Variants in THAP10 observed in about 807,000 individuals in gnomAD.
The protein encoded by THAP10 is THAP domain-containing protein 10.
THAP10 carries 10 observed loss-of-function variants against 15.7 expected under a neutral mutation model. That is an observed-to-expected ratio of 0.64 (90% CI 0.39 to 1.08). THAP10 has a LOEUF of 1.08. Among genes scored for constraint, THAP10 ranks in the 50% least tolerant of loss-of-function variants. The pLI is 0.01. For missense variants in THAP10, 310 were observed against 330.9 expected (o/e 0.94, Z 0.49); for synonymous variants, 127 against 129.1 (o/e 0.98, Z 0.11).
At chr15:70,885,150 G>C (rs2033371788) in intron 1 of THAP10, among the ~76,000 whole-genome samples, 1 of 152,118 alleles carries the variant, frequency 6.6e-6, no homozygotes, top group Non-Finnish European at 1.5e-5. Flanking sequence ...CTTAGAGGCA[G>C]AATTTCCAGG....
At chr15:70,883,802 C>T (rs2033331275) in intron 1 of THAP10, among the ~76,000 whole-genome samples, 1 of 151,776 alleles carries the variant, frequency 6.6e-6, no homozygotes, top group Admixed American at 6.6e-5. Flanking sequence ...TTACAGGTGC[C>T]TGCCACCATG....
At chr15:70,883,801 C>G (rs182600797) in intron 1 of THAP10, among the ~76,000 whole-genome samples, 4 of 151,898 alleles carry the variant, frequency 2.6e-5, no homozygotes, top group African/African-American at 9.7e-5. Context: ...ATTACAGGTG[C>G]CTGCCACCAT....
Position 70,882,531 on chromosome 15 carries a change from C to G in THAP10, c.697G>C (p.Asp233His). ...FDIYSSDSET[D>H]TDWDIKSEQS... is the part of the protein sequence containing the mutation. ...TCACTCTTGATATCCCAGTCTGTAT[C>G]TGTTTCTGAATCACTGGAGTAAATG... is the stretch of plus-strand genomic sequence containing the variant. The change falls in exon 3 of 3, where the codon GAT (aspartate) becomes CAT (histidine). Residue 233 changes from aspartate (D) to histidine (H), a missense_variant. Transcript: ENST00000249861. The G allele has an allele frequency of 6.2e-7, 1 of 1,613,938 alleles. No individual in the cohort carries two copies. The highest frequency in any genetic ancestry group is 8.5e-7 in the Non-Finnish European group (1 of 1,179,868).
intron 1 of THAP10, among the ~76,000 whole-genome samples, chr15:70,887,855 A>C (rs1459958522): frequency 6.6e-6 from 1 of 152,192 alleles, no homozygotes; most frequent in Admixed American, 6.5e-5. Context: ...GAAATTAATA[A>C]GTGAGTTTAA....
intron 1 of THAP10, among the ~76,000 whole-genome samples, chr15:70,888,625 A>ACAT (rs2033471390): frequency 6.6e-6 from 1 of 152,104 alleles, no homozygotes; most frequent in South Asian, 2.1e-4. Flanking sequence ...AATTTGGACT[A>ACAT]CATCAGAATT....
intron 1 of THAP10, among the ~76,000 whole-genome samples, chr15:70,888,657 G>A (rs757400527): frequency 3.9e-5 from 6 of 152,098 alleles, no homozygotes; most frequent in Non-Finnish European, 7.4e-5. Flanking sequence ...TACATCAAAA[G>A]ACATTATTAA....
chr15:70,892,374 T>C lies in THAP10; in HGVS notation c.-102A>G. ...CGAGGCAAGTCCTCCCCTCCTCACC[T>C]GTCCACTCCGGGTCGGGATTGTTTC... On this transcript the variant is annotated 5_prime_UTR_variant, in exon 1 of 3. Transcript: ENST00000249861. 6.5e-7 allele frequency: 1 copy of C among 1,546,798 alleles called. No homozygotes were observed. Among genetic ancestry groups the C allele is most frequent in the Non-Finnish European group, 8.7e-7 (1 of 1,146,676 alleles).
intron 1 of THAP10, among the ~76,000 whole-genome samples, chr15:70,883,214 G>A (rs1156779944): frequency 6.7e-6 from 1 of 148,522 alleles, no homozygotes; most frequent in East Asian, 2.0e-4. Flanking sequence ...TTTTTGAGAT[G>A]GAGTTTTGCT....
At chr15:70,882,948 C>T (rs1004604265) in intron 1 of THAP10, 40 bp from the exon 2 acceptor site, 27 of 1,604,092 alleles carry the variant, frequency 1.7e-5, no homozygotes, top group Non-Finnish European at 2.1e-5. Context: ...TTAAAGTGTA[C>T]CTTATAGGAT....
chr15:70,891,775 T>C (rs530232302), intron 1 of THAP10, 69 bp downstream of exon 1: 37 of 1,373,884 alleles, frequency 2.7e-5, no homozygotes, highest in Admixed American at 2.5e-4. Context: ...TTTCCCAAGG[T>C]GACACTAAGT....
Position 70,882,621 on chromosome 15 carries a change from T to C in THAP10, c.607A>G (p.Lys203Glu). 1 of 1,614,002 alleles carries C rather than the reference T, an allele frequency of 6.2e-7. No individual in the cohort carries two copies. Among genetic ancestry groups the C allele is most frequent in the African/African-American group, 1.3e-5 (1 of 75,058 alleles). ...TGAGTAGTTGCATTACACAGTCTTTTTCCAAACGCTTTCACTTTGGCTTGA... is the reference window on the plus strand; with the variant it reads ...TGAGTAGTTGCATTACACAGTCTTTCTCCAAACGCTTTCACTTTGGCTTGA... Reference protein sequence around the residue: ...GIQAKVKAFGKRLCNATTQTE... With the variant: ...GIQAKVKAFGERLCNATTQTE... The change falls in exon 3 of 3, where the codon AAA becomes GAA. Residue 203 changes from lysine to glutamate, a missense_variant. Physicochemically the swap from Lys to Glu is moderately conservative, Grantham distance 56. Coordinates refer to ENST00000249861, the MANE Select transcript of THAP10 (RefSeq NM_020147.4).
chr15:70,889,197 A>G (rs147086407), intron 1 of THAP10, among the ~76,000 whole-genome samples: 1 of 152,344 alleles, frequency 6.6e-6, no homozygotes, highest in East Asian at 1.9e-4. Flanking sequence ...GTTCAACAAT[A>G]GACAGACAAA....
At chr15:70,888,423 A>G (rs1016580667) in intron 1 of THAP10, among the ~76,000 whole-genome samples, 3 of 152,230 alleles carry the variant, frequency 2.0e-5, no homozygotes, top group East Asian at 1.9e-4. Flanking sequence ...AAGAAATGCT[A>G]GTAGTTTCAA....
rs1220837898 is a variant in THAP10, at chr15:70,882,743, T to A, written c.577+18A>T. On this transcript the variant is annotated intron_variant, in intron 2 of 2. Coordinates refer to ENST00000249861, the MANE Select transcript of THAP10 (RefSeq NM_020147.4). ...AGATCAATTCAATTGCTTAATCCAT[T>A]GAAGAGTCAAAACATACCCACACTA... 1.3e-5 allele frequency: 21 copies of A among 1,613,962 alleles called. No individual in the cohort carries two copies. Among genetic ancestry groups the A allele is most frequent in the Non-Finnish European group, 1.8e-5 (21 of 1,179,954 alleles).
rs577801015 is a variant in THAP10 at position 70,888,156 on chromosome 15, A to C, written c.429+3688T>G. Reference sequence around the variant, plus strand: ...TGGAGTCATAATCAAAATCCTCGTGAGTAACTTGTGAAAATTGACAAATCA... The same window carrying C: ...TGGAGTCATAATCAAAATCCTCGTGCGTAACTTGTGAAAATTGACAAATCA... On this transcript the variant is annotated intron_variant, in intron 1 of 2. Coordinates refer to ENST00000249861, the MANE Select transcript of THAP10 (RefSeq NM_020147.4). Among the ~76,000 whole-genome samples the C allele has an allele frequency of 2.8e-5, 4 of 142,790 alleles. No homozygotes were observed. The East Asian group carries it at 5.8e-4, about 21-fold the overall frequency. The allele number at this position is 142,790 out of a possible 152,430, so 93.7% of individuals were successfully genotyped here.
intron 1 of THAP10, among the ~76,000 whole-genome samples, chr15:70,889,553 T>C (rs2033499440): frequency 6.6e-6 from 1 of 152,340 alleles, no homozygotes; most frequent in Middle Eastern, 3.4e-3. Context: ...GTATTTGCTA[T>C]AGTTCAAGTC....
intron 1 of THAP10, among the ~76,000 whole-genome samples, chr15:70,883,584 A>G (rs2033324432): frequency 6.6e-6 from 1 of 152,148 alleles, no homozygotes; most frequent in Non-Finnish European, 1.5e-5. Flanking sequence ...ACTTTATAGA[A>G]GTCTCCTTTA....
chr15:70,884,862 T>C (rs2033364482), intron 1 of THAP10, among the ~76,000 whole-genome samples: 1 of 152,198 alleles, frequency 6.6e-6, no homozygotes, highest in African/African-American at 2.4e-5. Context: ...AGCTAAAAAT[T>C]AGTCATAATC....
chr15:70,883,275 T>A (rs2033314661), intron 1 of THAP10, among the ~76,000 whole-genome samples: 1 of 152,052 alleles, frequency 6.6e-6, no homozygotes, highest in African/African-American at 2.4e-5. Context: ...CACTGCAATC[T>A]CCGCCTGCCG....
Sources: allele counts gnomAD v4.1 joint callset (sites outside exome capture counted in the v4.1 genomes callset), GRCh38; gene constraint gnomAD v4.1.1; transcripts MANE v1.5; gene names NCBI Gene and HGNC (gene_info 2026-07-23, HGNC 2026-07-21).